AR: variants seen among roughly 807,000 people sequenced by gnomAD.
AR encodes dihydrotestosterone receptor.
Under a neutral mutation model 53.9 loss-of-function variants are expected in AR, and 8 were observed. The observed-to-expected ratio is 0.15, with a 90% CI of 0.09 to 0.27. The LOEUF (loss-of-function observed/expected upper bound fraction) is 0.27, where lower values mean the gene tolerates loss of function less well. Ranked by LOEUF, AR falls within the 10% of genes least tolerant of loss-of-function variation. The pLI is 1.00. For missense variants in AR, 639 were observed against 742.5 expected (o/e 0.86, Z 1.62); for synonymous variants, 359 against 316.4 (o/e 1.13, Z -1.43).
In AR at chrX:67,546,384, G is replaced by C; in HGVS notation, c.1238G>C (p.Ser413Thr). The C allele has an allele frequency of 2.5e-6, 3 of 1,184,125 alleles. No individual in the cohort carries two copies. Among genetic ancestry groups the C allele is most frequent in the Non-Finnish European group, 2.3e-6 (2 of 882,281 alleles). Residue 413 changes from serine to threonine, a missense_variant, in exon 1 of 8, where the codon AGC becomes ACC. Transcript: ENST00000374690. ...CAGTGCCGCTATGGGGACCTGGCGA[G>C]CCTGCATGGCGCGGGTGCAGCGGGA... is the stretch of plus-strand genomic sequence containing the variant. The part of the protein sequence containing the change: ...AAQCRYGDLA[S>T]LHGAGAAGPG...
chrX:67,563,674 A>G (rs925990324), intron 1 of AR, among the ~76,000 whole-genome samples: 8 of 111,951 alleles, frequency 7.1e-5, no homozygotes, highest in African/African-American at 2.6e-4. Context: ...ACAGGGGAGC[A>G]TGATTTGCTT....
At chrX:67,595,771 AC>A (rs1336212328) in intron 1 of AR, among the ~76,000 whole-genome samples, 1 of 110,862 alleles carries the variant, frequency 9.0e-6, no homozygotes, top group Non-Finnish European at 1.9e-5. Context: ...CTATGGTCAC[AC>A]CACTGCACTC....
intron 2 of AR, among the ~76,000 whole-genome samples, chrX:67,661,458 T>C (rs1020000562): frequency 4.5e-5 from 5 of 111,794 alleles, no homozygotes; most frequent in Admixed American, 3.8e-4. Context: ...CTTTTCTGCA[T>C]CTATTGAGAT....
intron 2 of AR, among the ~76,000 whole-genome samples, chrX:67,651,907 C>T (rs751740950): frequency 9.0e-6 from 1 of 111,603 alleles, no homozygotes; most frequent in African/African-American, 3.3e-5. Flanking sequence ...TGTTGTCACA[C>T]GACTATAGAA....
At chrX:67,612,238 C>T (rs1373047990) in intron 1 of AR, among the ~76,000 whole-genome samples, 1 of 112,399 alleles carries the variant, frequency 8.9e-6, no homozygotes, top group African/African-American at 3.2e-5. Context: ...ATCTTTCTTT[C>T]TCTGCTTTGG....
At chrX:67,643,661 G>T (rs1260246022) in intron 2 of AR, among the ~76,000 whole-genome samples, 2 of 111,753 alleles carry the variant, frequency 1.8e-5, no homozygotes, top group African/African-American at 6.5e-5. Flanking sequence ...GTGGGTCCTA[G>T]AAATGAAAGA....
chrX:67,627,589 C>T (rs1419219976), intron 1 of AR, among the ~76,000 whole-genome samples: 1 of 111,188 alleles, frequency 9.0e-6, no homozygotes. Context: ...GTTGCCTGTT[C>T]AATCTGATGG....
At chrX:67,547,136 C>A (rs1929798479) in intron 1 of AR, among the ~76,000 whole-genome samples, 1 of 111,620 alleles carries the variant, frequency 9.0e-6, no homozygotes, top group South Asian at 3.7e-4. Flanking sequence ...AGTCTGAGAA[C>A]CTCAACAGGA....
chrX:67,562,032 C>T (rs1037514368), intron 1 of AR, among the ~76,000 whole-genome samples: 40 of 104,056 alleles, frequency 3.8e-4, no homozygotes, highest in African/African-American at 1.2e-3. Flanking sequence ...CCTCGCCTCC[C>T]GGGTTCAAGT....
chrX:67,553,218 A>G (rs773441388), intron 1 of AR, among the ~76,000 whole-genome samples: 6 of 111,872 alleles, frequency 5.4e-5, no homozygotes, highest in Non-Finnish European at 9.4e-5. Context: ...GTCTTTCATC[A>G]GTTTTGATGT....
intron 3 of AR, chrX:67,695,312 T>C: frequency 1.3e-6 from 1 of 754,042 alleles, no homozygotes; most frequent in Non-Finnish European, 1.6e-6. Flanking sequence ...GAGCTGAAGG[T>C]AGTAGCTGAT....
intron 1 of AR, among the ~76,000 whole-genome samples, chrX:67,595,963 G>A (rs981861844): frequency 1.8e-5 from 2 of 111,504 alleles, no homozygotes; most frequent in Non-Finnish European, 3.8e-5. Context: ...TGGAGATGGG[G>A]CCTGGAGGGA....
At chrX:67,686,417 G>T (rs940548404) in intron 3 of AR, among the ~76,000 whole-genome samples, 2 of 111,655 alleles carry the variant, frequency 1.8e-5, no homozygotes, top group African/African-American at 6.5e-5. Context: ...ACTGGGCAGG[G>T]CCCCCAGGGG....
intron 4 of AR, among the ~76,000 whole-genome samples, chrX:67,712,665 C>T (rs926902798): frequency 8.9e-6 from 1 of 112,043 alleles, no homozygotes; most frequent in Non-Finnish European, 1.9e-5. Flanking sequence ...CCCAGGGAAG[C>T]CCTAGGTCAC....
At chrX:67,630,448 C>G (rs1925015461) in intron 1 of AR, among the ~76,000 whole-genome samples, 1 of 111,104 alleles carries the variant, frequency 9.0e-6, no homozygotes. Context: ...TTATCAGAGA[C>G]TAGAATTGTA....
chrX:67,704,771 G>A (rs1289846555), intron 3 of AR, among the ~76,000 whole-genome samples: 3 of 111,688 alleles, frequency 2.7e-5, no homozygotes, highest in Non-Finnish European at 5.6e-5. Flanking sequence ...AGGGTTTTAT[G>A]GTTTTAGGTC....
chrX:67,553,857 A>G, intron 1 of AR, among the ~76,000 whole-genome samples: 1 of 112,287 alleles, frequency 8.9e-6, no homozygotes, highest in Non-Finnish European at 1.9e-5. Flanking sequence ...CTGCCAATGT[A>G]TGGAAATATA....
rs181016747 is a variant in AR at position 67,679,558 on chromosome X, A to T, written c.1769-6452A>T. 2.7e-5 allele frequency among the ~76,000 whole-genome samples: 3 copies of T among 111,792 alleles called. No individual in the cohort carries two copies. The Admixed American group carries it at 2.9e-4, about 11-fold the overall frequency. On this transcript the variant is annotated intron_variant, in intron 2 of 7. Transcript: ENST00000374690. ...TTATACACATTTCCAATTTTTTTCC[A>T]AATATATGGCAAAATTTCTCTCTAA...
At chrX:67,666,492 G>A (rs1569300238) in intron 2 of AR, among the ~76,000 whole-genome samples, 2 of 111,507 alleles carry the variant, frequency 1.8e-5, no homozygotes, top group Non-Finnish European at 3.8e-5. Context: ...TCCAAATATT[G>A]ACTATTGTGA....
Sources: allele counts gnomAD v4.1 joint callset (sites outside exome capture counted in the v4.1 genomes callset), GRCh38; gene constraint gnomAD v4.1.1; transcripts MANE v1.5; gene names NCBI Gene and HGNC (gene_info 2026-07-23, HGNC 2026-07-21).